OXR1: variants seen among roughly 807,000 people sequenced by gnomAD.
OXR1 encodes the protein oxidation resistance 1, also known as oxidation resistance protein 1.
A neutral mutation model predicts 104.6 loss-of-function variants in OXR1; 41 were observed. The ratio of observed to expected loss-of-function variants is 0.39; its 90% CI spans 0.31 to 0.51. OXR1 has a LOEUF of 0.51. OXR1 is among the 20% of genes least tolerant of loss of function. The probability of loss-of-function intolerance (pLI) is 0.77; values close to 1 mark genes in which losing one functional copy is unlikely to be tolerated. For synonymous variants in OXR1, 348 were observed against 348.4 expected (o/e 1.00, Z 0.01); for missense variants, 955 against 1,031.9 (o/e 0.93, Z 1.02).
At chr8:106,722,414 A>G (rs1200781464) in intron 11 of OXR1, among the ~76,000 whole-genome samples, 1 of 152,198 alleles carries the variant, frequency 6.6e-6, no homozygotes, top group East Asian at 1.9e-4. Flanking sequence ...TCTAAAAAAG[A>G]AATCAGAAGG....
chr8:106,672,548 G>T (rs1563690324), intron 3 of OXR1, among the ~76,000 whole-genome samples: 10 of 146,810 alleles, frequency 6.8e-5, no homozygotes, highest in Non-Finnish European at 4.5e-5. Context: ...AAAAAGAAAA[G>T]AAAGAGAGAA....
intron 3 of OXR1, among the ~76,000 whole-genome samples, chr8:106,600,062 T>G (rs1819846111): frequency 6.6e-6 from 1 of 152,308 alleles, no homozygotes; most frequent in East Asian, 1.9e-4. Context: ...TGCAGACTGG[T>G]TCCTAACAGG....
Position 106,432,485 on chromosome 8 carries a change from C to A in OXR1, c.23+72849C>A, listed in dbSNP as rs148143097. ...GCACATTTCCTCCTCTGGGCCTTTG[C>A]GTTTGCTCGTTCTTTCCCTTAGCTT... On this transcript the variant is annotated intron_variant, in intron 2 of 16. Transcript: ENST00000517566. Among the ~76,000 whole-genome samples the A allele has an allele frequency of 3.8e-3, 585 of 152,228 alleles. 5 individuals are homozygous for A. The highest frequency in any genetic ancestry group is 6.2e-3 in the Admixed American group (95 of 15,278).
intron 3 of OXR1, among the ~76,000 whole-genome samples, chr8:106,624,183 C>T (rs1821958773): frequency 6.6e-6 from 1 of 152,190 alleles, no homozygotes; most frequent in Non-Finnish European, 1.5e-5. Context: ...GCAGTATGGT[C>T]TAGCTTAGTG....
At chr8:106,387,394 C>G (rs924644150) in intron 2 of OXR1, among the ~76,000 whole-genome samples, 5 of 152,160 alleles carry the variant, frequency 3.3e-5, no homozygotes, top group African/African-American at 1.2e-4. Context: ...CTCTCTCTCT[C>G]CATCTAGACA....
intron 3 of OXR1, among the ~76,000 whole-genome samples, chr8:106,579,401 G>C (rs747815567): frequency 1.3e-5 from 2 of 152,150 alleles, no homozygotes; most frequent in Non-Finnish European, 2.9e-5. Context: ...TTCCAGGCCT[G>C]CTGAAATAAA....
At chr8:106,657,651 G>C (rs534092743) in intron 3 of OXR1, 15 of 197,656 alleles carry the variant, frequency 7.6e-5, no homozygotes, top group Admixed American at 4.4e-4. Context: ...CGTCCAGCTT[G>C]CTTAAAAGCC....
At chr8:106,465,149 A>G (rs963535066) in intron 2 of OXR1, among the ~76,000 whole-genome samples, 3 of 151,926 alleles carry the variant, frequency 2.0e-5, no homozygotes, top group African/African-American at 7.2e-5. Context: ...GAAAGCCTCA[A>G]TGTGAAGGTG....
chr8:106,556,051 G>A (rs1164161879), intron 3 of OXR1, among the ~76,000 whole-genome samples: 1 of 151,546 alleles, frequency 6.6e-6, no homozygotes, highest in African/African-American at 2.4e-5. Context: ...GACAGAAACA[G>A]GTCACATATT....
rs1418795026 is a variant in OXR1 at position 106,658,037 on chromosome 8, C to T, written c.221-21173C>T. On this transcript the variant is annotated intron_variant, in intron 3 of 16. Coordinates refer to ENST00000517566, the MANE Select transcript of OXR1 (RefSeq NM_001198533.2). ...AGAAGAGTGGGCGCCTTCTGCGGGG[C>T]ACGGCCAACCGCCTGTTGGGGTTCG... 4 of 1,248,502 alleles carry T rather than the reference C, an allele frequency of 3.2e-6. No individual in the cohort carries two copies. The South Asian group carries it at 1.6e-4, about 51-fold the overall frequency. 77.3% of individuals were successfully genotyped at this position (1,248,502 alleles called of 1,614,324 possible).
chr8:106,681,893 C>T (rs1828191769), intron 4 of OXR1, among the ~76,000 whole-genome samples: 1 of 152,174 alleles, frequency 6.6e-6, no homozygotes, highest in Admixed American at 6.5e-5. Flanking sequence ...ATTTGTGCTT[C>T]ATGAGTCTAC....
chr8:106,490,665 T>G (rs2444321), intron 2 of OXR1, among the ~76,000 whole-genome samples: 1 of 152,054 alleles, frequency 6.6e-6, no homozygotes, highest in African/African-American at 2.4e-5. Flanking sequence ...TGAACCCAGC[T>G]GGATGCACTA....
intron 2 of OXR1, among the ~76,000 whole-genome samples, chr8:106,363,748 C>A (rs1816347090): frequency 6.6e-6 from 1 of 152,044 alleles, no homozygotes; most frequent in South Asian, 2.1e-4. Context: ...CAGATAGCTT[C>A]CACTTTTCTT....
At chr8:106,710,472 A>G in intron 9 of OXR1, 150 bp from the exon 10 acceptor site, 1 of 420,748 alleles carries the variant, frequency 2.4e-6, no homozygotes, top group Non-Finnish European at 4.1e-6. Flanking sequence ...TGAAGGAAAA[A>G]AAATATAAAT....
At position 106,396,074 on chromosome 8, in the gene OXR1, A is replaced by AATAC. The variant is rs77731302; in HGVS notation, c.23+36466_23+36469dup. On this transcript the variant is annotated intron_variant, in intron 2 of 16. Coordinates refer to ENST00000517566, the MANE Select transcript of OXR1 (RefSeq NM_001198533.2). ...ATGTCCATGAGTTCCTACTTATATA[A>AATAC]ATACATACATACATACATACATACA... is the stretch of plus-strand genomic sequence containing the variant. Among the ~76,000 whole-genome samples the AATAC allele has an allele frequency of 7.0e-3, 1,056 of 151,796 alleles. 11 individuals are homozygous for AATAC. Among genetic ancestry groups the AATAC allele is most frequent in the African/African-American group, 0.014 (579 of 41,400 alleles).
intron 3 of OXR1, among the ~76,000 whole-genome samples, chr8:106,630,637 A>C (rs1199066592): frequency 6.6e-6 from 1 of 152,204 alleles, no homozygotes; most frequent in Non-Finnish European, 1.5e-5. Context: ...TTGTTTACAC[A>C]AAGTAACATG....
At position 106,699,379 on chromosome 8, in the gene OXR1, G is replaced by C. The variant is rs372421738; in HGVS notation, c.676-3527G>C. Among the ~76,000 whole-genome samples the C allele has an allele frequency of 3.9e-5, 6 of 152,224 alleles. No homozygotes were observed. In the East Asian group the frequency reaches 9.7e-4, roughly 24 times the overall value. On this transcript the variant is annotated intron_variant, in intron 7 of 16. Transcript: ENST00000517566. ...CTCACTGGACAGTGCTCATTTCTGG[G>C]TTGTTTGTTTGTTTTGCTTGTTTTT...
At chr8:106,742,546 T>C (rs944864005) in intron 15 of OXR1, 2 of 374,578 alleles carry the variant, frequency 5.3e-6, no homozygotes, top group Non-Finnish European at 9.6e-6. Flanking sequence ...GACTTCAAAG[T>C]ATACTACAAG....
At chr8:106,297,145 G>A (rs1184307974) in intron 1 of OXR1, among the ~76,000 whole-genome samples, 3 of 152,124 alleles carry the variant, frequency 2.0e-5, no homozygotes, top group African/African-American at 7.2e-5. Flanking sequence ...AGCAATCCGT[G>A]TGGCTGATTA....
Sources: gnomAD v4.1 joint callset for allele counts (sites outside exome capture counted in the v4.1 genomes callset) on GRCh38, gnomAD v4.1.1 for gene constraint, MANE v1.5 for transcripts, NCBI Gene and HGNC (gene_info 2026-07-23, HGNC 2026-07-21) for gene names.